NCOA5: variants seen among roughly 807,000 people sequenced by gnomAD.
NCOA5 encodes the protein NCoA-5.
A neutral mutation model predicts 59.0 loss-of-function variants in NCOA5; 12 were observed. The ratio of observed to expected loss-of-function variants is 0.20; its 90% CI spans 0.13 to 0.33. NCOA5 has a LOEUF of 0.33. NCOA5 is among the 10% of genes least tolerant of loss of function. The pLI is 1.00. For synonymous variants in NCOA5, 270 were observed against 275.5 expected (o/e 0.98, Z 0.20); for missense variants, 655 against 766.6 (o/e 0.85, Z 1.72).
intron 1 of NCOA5, among the ~76,000 whole-genome samples, chr20:46,081,409 G>A (rs979665043): frequency 3.9e-5 from 6 of 152,112 alleles, no homozygotes; most frequent in Non-Finnish European, 8.8e-5. Flanking sequence ...ACATGGTCAT[G>A]TATACTATAT....
At chr20:46,066,971 A>G in intron 5 of NCOA5, 84 bp downstream of exon 5, 1 of 1,476,302 alleles carries the variant, frequency 6.8e-7, no homozygotes, top group East Asian at 2.3e-5. Flanking sequence ...CACAGCTCAG[A>G]TTCAGTGGAT....
chr20:46,065,038 T>C lies in NCOA5; in HGVS notation c.820A>G (p.Thr274Ala). The C allele has an allele frequency of 6.2e-7, 1 of 1,614,068 alleles. No individual in the cohort carries two copies. Among genetic ancestry groups the C allele is most frequent in the Non-Finnish European group, 8.5e-7 (1 of 1,180,022 alleles). ...TATTCTGACTCTGTACCTTGCGGGG[T>C]TCCAAACATGATGTTGACTGTGCAG... ...RSCTVNIMFG[T>A]PQEHRNMPQA... Residue 274 changes from threonine to alanine, a missense_variant, in exon 6 of 8, where the codon ACC becomes GCC. By Grantham distance (58) the Thr-to-Ala change is moderately conservative. Around this residue, in one of 3 missense-constraint regions of NCOA5, gnomAD observed 80 missense variants for 153.3 expected, o/e 0.52. Coordinates refer to ENST00000290231, the MANE Select transcript of NCOA5 (RefSeq NM_020967.3).
chr20:46,079,818 GA>G (rs2084972752), intron 1 of NCOA5, among the ~76,000 whole-genome samples: 1 of 152,200 alleles, frequency 6.6e-6, no homozygotes, highest in Admixed American at 6.5e-5. Context: ...TTGTGAGGAA[GA>G]AAGTGGGGGG....
chr20:46,071,031 T>C (rs2084877356), intron 2 of NCOA5, among the ~76,000 whole-genome samples: 1 of 151,798 alleles, frequency 6.6e-6, no homozygotes, highest in African/African-American at 2.4e-5. Context: ...ATACATACAG[T>C]AAAGGACCAA....
At position 46,061,722 on chromosome 20, in the gene NCOA5, G is replaced by A. The variant is rs1408529795; in HGVS notation, c.*578C>T. 2 of 152,294 alleles carry A rather than the reference G, an allele frequency of 1.3e-5. No individual in the cohort carries two copies. Among genetic ancestry groups the A allele is most frequent in the African/African-American group, 4.8e-5 (2 of 41,428 alleles). 9.4% of individuals were successfully genotyped at this position (152,294 alleles called of 1,614,324 possible). A position where few individuals can be genotyped will look rare whatever the true frequency, so the allele number is the denominator to read the frequency against. On this transcript the variant is annotated 3_prime_UTR_variant, in exon 8 of 8. Coordinates refer to ENST00000290231, the MANE Select transcript of NCOA5 (RefSeq NM_020967.3). The stretch of plus-strand genomic sequence containing the variant: ...CAGAGAGAAAAATTCTTTTTTCTGT[G>A]GCTGCCATGGCCATTCCTCAACAAT...
intron 6 of NCOA5, among the ~76,000 whole-genome samples, chr20:46,063,939 T>TA (rs1255198117): frequency 6.6e-6 from 1 of 151,930 alleles, no homozygotes; most frequent in Non-Finnish European, 1.5e-5. Flanking sequence ...AGACTTGTAG[T>TA]AAAAACCAAA....
At chr20:46,078,556 G>C (rs962834739) in intron 2 of NCOA5, among the ~76,000 whole-genome samples, 1 of 145,062 alleles carries the variant, frequency 6.9e-6, no homozygotes, top group Non-Finnish European at 1.5e-5. Context: ...TTTGGGCCTT[G>C]AAGAGACACC....
intron 3 of NCOA5, 129 bp downstream of exon 3, chr20:46,070,081 C>G (rs149587988): frequency 9.9e-6 from 7 of 705,210 alleles, no homozygotes; most frequent in Middle Eastern, 4.0e-4. Flanking sequence ...AGCAGCACAT[C>G]TATCACTTGA....
chr20:46,089,131 G>A (rs2085072866), intron 1 of NCOA5, among the ~76,000 whole-genome samples: 1 of 152,248 alleles, frequency 6.6e-6, no homozygotes, highest in Admixed American at 6.5e-5. Context: ...TCGCCCGCTG[G>A]CGGGGAGCGG....
At chr20:46,087,893 C>T (rs77202366) in intron 1 of NCOA5, among the ~76,000 whole-genome samples, 4,838 of 152,190 alleles carry the variant, frequency 0.032, 111 homozygotes, top group Non-Finnish European at 0.049. Flanking sequence ...CTTAGCCTTA[C>T]GTAAATTCTA....
chr20:46,082,748 A>C (rs1189118435), intron 1 of NCOA5, among the ~76,000 whole-genome samples: 1 of 152,218 alleles, frequency 6.6e-6, no homozygotes, highest in Non-Finnish European at 1.5e-5. Flanking sequence ...AGCACTTCTC[A>C]GTTAAGAATT....
intron 5 of NCOA5, 69 bp downstream of exon 5, chr20:46,066,986 G>A (rs1600618784): frequency 6.4e-7 from 1 of 1,553,582 alleles, no homozygotes; most frequent in East Asian, 2.2e-5. Flanking sequence ...GTGGATAGAG[G>A]TGCTAAACAG....
chr20:46,063,339 C>T (rs2084787784), intron 7 of NCOA5, 21 bp downstream of exon 7: 1 of 1,605,580 alleles, frequency 6.2e-7, no homozygotes, highest in Non-Finnish European at 8.5e-7. Context: ...AACTTCACCT[C>T]GGCCCTGCCA....
chr20:46,074,054 T>C lies in NCOA5; in HGVS notation c.39-3518A>G, dbSNP rs530829296. Reference sequence around the variant, plus strand: ...GAAGTAGGGACAAAGAAGATAATAATTTTCTCAAAAGGAAAGGCAAAGCCT... The same window carrying C: ...GAAGTAGGGACAAAGAAGATAATAACTTTCTCAAAAGGAAAGGCAAAGCCT... On this transcript the variant is annotated intron_variant, in intron 2 of 7. Transcript: ENST00000290231. Among the ~76,000 whole-genome samples the C allele has an allele frequency of 3.0e-4, 46 of 152,274 alleles. No homozygotes were observed. In the South Asian group the frequency reaches 5.0e-3, roughly 16 times the overall value.
rs761110679 is a variant in NCOA5, at chr20:46,062,813, C to A, written c.1227G>T (p.Gln409His). The A allele has an allele frequency of 3.8e-6, 6 of 1,560,612 alleles. No individual in the cohort carries two copies. In the East Asian group the frequency reaches 1.4e-4, roughly 35 times the overall value. ...LKTQPSSQPL[Q>H]SGQVLPSATP... ...TAGCAGAGGGGAGCACTTGGCCGCT[C>A]TGGAGCGGTTGGGAGCTTGGCTGTG... Residue 409 changes from glutamine to histidine, a missense_variant, in exon 8 of 8, where the codon CAG becomes CAT. Gln to His is a conservative substitution (Grantham distance 24, BLOSUM62 0). This residue lies in a region of NCOA5 where 325 missense variants were observed against 353.2 expected (regional missense o/e 0.92). Transcript: ENST00000290231.
At chr20:46,066,456 G>A (rs1230357705) in intron 5 of NCOA5, among the ~76,000 whole-genome samples, 3 of 152,148 alleles carry the variant, frequency 2.0e-5, no homozygotes, top group African/African-American at 7.2e-5. Context: ...TTGACCAGCG[G>A]CTACACCCTC....
intron 1 of NCOA5, among the ~76,000 whole-genome samples, chr20:46,086,515 G>C (rs1600636367): frequency 6.6e-6 from 1 of 152,290 alleles, no homozygotes; most frequent in South Asian, 2.1e-4. Context: ...ACTGCTGCTT[G>C]AGACAGTGGC....
rs1257609183 is a variant in NCOA5 at position 46,061,171 on chromosome 20, G to A, written c.*1129C>T. On this transcript the variant is annotated 3_prime_UTR_variant, in exon 8 of 8. Coordinates refer to ENST00000290231, the MANE Select transcript of NCOA5 (RefSeq NM_020967.3). Reference sequence around the variant, plus strand: ...CACTGGCAGGGACTCAGCTGAAGTCGCTGCTCTCCCTCACCCCTGCTAGAG... The same window carrying A: ...CACTGGCAGGGACTCAGCTGAAGTCACTGCTCTCCCTCACCCCTGCTAGAG... The A allele has an allele frequency of 6.6e-6, 1 of 152,204 alleles. No individual in the cohort carries two copies. The highest frequency in any genetic ancestry group is 1.5e-5 in the Non-Finnish European group (1 of 68,046). 9.4% of individuals were successfully genotyped at this position (152,204 alleles called of 1,614,324 possible).
intron 2 of NCOA5, among the ~76,000 whole-genome samples, chr20:46,073,380 G>A (rs954950297): frequency 8.5e-5 from 13 of 152,186 alleles, no homozygotes; most frequent in African/African-American, 3.1e-4. Flanking sequence ...GACTTTAAAT[G>A]AGAATAGCTA....
Sources: allele counts gnomAD v4.1 joint callset (sites outside exome capture counted in the v4.1 genomes callset), GRCh38; gene constraint gnomAD v4.1.1; regional missense constraint gnomAD v4.1.1; transcripts MANE v1.5; gene names NCBI Gene and HGNC (gene_info 2026-07-23, HGNC 2026-07-21).